NRP1: variants seen among roughly 807,000 people sequenced by gnomAD.
NRP1 encodes the protein neuropilin 1.
A neutral mutation model predicts 106.7 loss-of-function variants in NRP1; 35 were observed. That is an observed-to-expected ratio of 0.33 (90% confidence interval 0.25 to 0.43). NRP1 has a LOEUF of 0.43. NRP1 is among the 20% of genes least tolerant of loss of function. The pLI is 1.00. For synonymous variants in NRP1, 437 were observed against 417.9 expected (o/e 1.05, Z -0.56); for missense variants, 1,024 against 1,170.4 (o/e 0.87, Z 1.83).
chr10:33,334,490 G>T lies in NRP1; in HGVS notation c.-108C>A. 2.1e-6 allele frequency: 2 copies of T among 945,070 alleles called. No homozygotes were observed. Among genetic ancestry groups the T allele is most frequent in the Non-Finnish European group, 3.2e-6 (2 of 620,382 alleles). The allele number at this position is 945,070 out of a possible 1,614,324, so 58.5% of individuals were successfully genotyped here. On this transcript the variant is annotated 5_prime_UTR_variant, in exon 1 of 17. Transcript: ENST00000374867. ...CCGAAGAGCCCCAACTCCGCCTAGA[G>T]CTGTACAATCCTCAGCCCGTCTTGG...
chr10:33,223,822 A>G (rs763424848), intron 7 of NRP1, among the ~76,000 whole-genome samples: 4 of 152,166 alleles, frequency 2.6e-5, no homozygotes, highest in African/African-American at 7.2e-5. Context: ...AGGGCCGCCA[A>G]TGATGGTGCT....
At chr10:33,185,748 C>T in intron 14 of NRP1, 24 bp from the exon 15 acceptor site, 1 of 1,588,046 alleles carries the variant, frequency 6.3e-7, no homozygotes, top group Non-Finnish European at 8.6e-7. Flanking sequence ...ATCATTTTCA[C>T]AGTATTGAAA....
At chr10:33,325,252 T>C (rs143154949) in intron 2 of NRP1, among the ~76,000 whole-genome samples, 1 of 152,304 alleles carries the variant, frequency 6.6e-6, no homozygotes, top group Non-Finnish European at 1.5e-5. Context: ...AACTCAGTTT[T>C]CCATAAAACA....
intron 2 of NRP1, among the ~76,000 whole-genome samples, chr10:33,285,470 A>AT (rs1403682642): frequency 1.3e-5 from 2 of 152,124 alleles, no homozygotes; most frequent in African/African-American, 4.8e-5. Context: ...ATGATGAGAA[A>AT]TTTTTTCGTG....
chr10:33,250,852 A>G (rs1336907799), intron 6 of NRP1, among the ~76,000 whole-genome samples: 1 of 152,180 alleles, frequency 6.6e-6, no homozygotes, highest in Non-Finnish European at 1.5e-5. Flanking sequence ...TAGGACAATT[A>G]TCATTTAAGC....
intron 6 of NRP1, among the ~76,000 whole-genome samples, chr10:33,228,061 T>G (rs777331448): frequency 6.6e-6 from 1 of 152,194 alleles, no homozygotes; most frequent in Non-Finnish European, 1.5e-5. Flanking sequence ...AGTGATATTT[T>G]CAATTTATTT....
chr10:33,229,515 A>G (rs1207568845), intron 6 of NRP1, among the ~76,000 whole-genome samples: 1 of 152,204 alleles, frequency 6.6e-6, no homozygotes, highest in Non-Finnish European at 1.5e-5. Context: ...AAACTTACAG[A>G]TGGCTCTTTA....
At chr10:33,329,614 C>G (rs1467597519) in intron 2 of NRP1, among the ~76,000 whole-genome samples, 1 of 152,228 alleles carries the variant, frequency 6.6e-6, no homozygotes, top group Non-Finnish European at 1.5e-5. Context: ...AACTGACCCA[C>G]TTTAAAACTT....
chr10:33,202,759 TGGCAA>T (rs1379946320), intron 11 of NRP1, 127 bp downstream of exon 11: 1 of 1,575,548 alleles, frequency 6.3e-7, no homozygotes, highest in Non-Finnish European at 8.6e-7. Flanking sequence ...GCACGTGTTC[TGGCAA>T]GGCAGCTTCT....
chr10:33,220,633 C>T (rs552698168), intron 8 of NRP1, among the ~76,000 whole-genome samples: 6 of 152,248 alleles, frequency 3.9e-5, no homozygotes, highest in South Asian at 4.1e-4. Context: ...CGGTGGCTCA[C>T]GCCTGTAATC....
intron 2 of NRP1, among the ~76,000 whole-genome samples, chr10:33,310,874 C>T (rs929468333): frequency 2.0e-5 from 3 of 152,114 alleles, no homozygotes; most frequent in East Asian, 1.9e-4. Flanking sequence ...GAAGAAAAGA[C>T]GACCTACAGT....
At chr10:33,299,014 T>A (rs532524578) in intron 2 of NRP1, among the ~76,000 whole-genome samples, 58 of 152,168 alleles carry the variant, frequency 3.8e-4, no homozygotes, top group Admixed American at 5.9e-4. Flanking sequence ...ATAAGCTTGG[T>A]TTGTTTTATA....
At chr10:33,332,635 T>A (rs1295298901) in intron 1 of NRP1, among the ~76,000 whole-genome samples, 1 of 152,200 alleles carries the variant, frequency 6.6e-6, no homozygotes, top group Non-Finnish European at 1.5e-5. Context: ...CTCTAGCAGT[T>A]GATTAAGAAA....
intron 6 of NRP1, among the ~76,000 whole-genome samples, chr10:33,245,574 T>G (rs184929783): frequency 2.0e-5 from 3 of 152,222 alleles, no homozygotes; most frequent in Admixed American, 1.3e-4. Flanking sequence ...ACATGCTTGC[T>G]TGGTCTTCAG....
chr10:33,262,607 G>A (rs910379525), intron 4 of NRP1, among the ~76,000 whole-genome samples: 2 of 150,722 alleles, frequency 1.3e-5, no homozygotes, highest in African/African-American at 4.9e-5. Flanking sequence ...GGAGGCTGAG[G>A]CAGAAGAATT....
intron 11 of NRP1, 25 bp from the exon 12 acceptor site, chr10:33,197,734 CA>C: frequency 6.8e-7 from 1 of 1,474,476 alleles, no homozygotes; most frequent in Non-Finnish European, 9.4e-7. Flanking sequence ...CAGGAACATG[CA>C]AAAATAAGAA....
At chr10:33,197,760 T>G (rs1489389204) in intron 11 of NRP1, 51 bp from the exon 12 acceptor site, 2 of 1,102,574 alleles carry the variant, frequency 1.8e-6, no homozygotes, top group African/African-American at 3.1e-5. Flanking sequence ...GTAGCGAATA[T>G]GCAGGAGAAA....
chr10:33,277,468 G>T (rs1018052998), intron 2 of NRP1, among the ~76,000 whole-genome samples: 2 of 152,246 alleles, frequency 1.3e-5, no homozygotes, highest in African/African-American at 4.8e-5. Flanking sequence ...GCAGCCCCAA[G>T]GAAGGCCTGA....
At chr10:33,202,318 C>A in intron 11 of NRP1, 1 of 218,934 alleles carries the variant, frequency 4.6e-6, no homozygotes, top group South Asian at 8.8e-5. Flanking sequence ...ATTAGTGAGA[C>A]ATTTGGCACA....
Sources: allele counts gnomAD v4.1 joint callset (sites outside exome capture counted in the v4.1 genomes callset), GRCh38; gene constraint gnomAD v4.1.1; transcripts MANE v1.5; gene names NCBI Gene and HGNC (gene_info 2026-07-23, HGNC 2026-07-21).